The following LRP6 variants were observed in gnomAD, a reference collection of about 807,000 sequenced individuals.
LRP6 encodes the protein low-density lipoprotein receptor-related protein 6.
LRP6 carries 43 observed loss-of-function variants against 184.1 expected under a neutral mutation model. The ratio of observed to expected loss-of-function variants is 0.23; its 90% CI spans 0.18 to 0.30. The LOEUF is 0.30. Ranked by LOEUF, LRP6 falls within the 10% of genes least tolerant of loss-of-function variation. The pLI, the probability that LRP6 is intolerant of heterozygous loss-of-function variation, is 1.00. For missense variants in LRP6, 1,571 were observed against 2,005.3 expected (o/e 0.78, Z 4.14); for synonymous variants, 719 against 684.9 (o/e 1.05, Z -0.78).
At chr12:12,167,764 T>C (rs1448274132) in intron 7 of LRP6, among the ~76,000 whole-genome samples, 1 of 152,200 alleles carries the variant, frequency 6.6e-6, no homozygotes, top group Non-Finnish European at 1.5e-5. Context: ...TCCTGTCCTT[T>C]AAAAATCATT....
chr12:12,176,236 C>G (rs988571111), intron 7 of LRP6, among the ~76,000 whole-genome samples: 1 of 152,092 alleles, frequency 6.6e-6, no homozygotes, highest in Admixed American at 6.5e-5. Flanking sequence ...ACTGTGCAGA[C>G]AAGTAAACTA....
chr12:12,119,248 G>C lies in LRP6; in HGVS notation c.*1878C>G, dbSNP rs1949560990. 1 of 152,008 alleles carries C rather than the reference G, an allele frequency of 6.6e-6. No individual in the cohort carries two copies. The highest frequency in any genetic ancestry group is 1.5e-5 in the Non-Finnish European group (1 of 68,012). The allele number at this position is 152,008 out of a possible 1,614,324, so 9.4% of individuals were successfully genotyped here. A position where few individuals can be genotyped will look rare whatever the true frequency, so the allele number is the denominator to read the frequency against. ...AACTTTACTTAGGTATTTTTAACTT[G>C]CATGAACAGTTACTTCACCCTTGCC... On this transcript the variant is annotated 3_prime_UTR_variant, in exon 23 of 23. Transcript: ENST00000261349.
At position 12,126,827 on chromosome 12, in the gene LRP6, A is replaced by G. The variant is rs1377876993; in HGVS notation, c.4176T>C (p.Phe1392=). ...GTGGACACAACATCCTCTGGCAGAT[A>G]AAGTATACAGTTCCAGACACAAAAA... ...VTIFVSGTVY[F]ICQRMLCPRM... Residue 1392 remains phenylalanine (F), a synonymous_variant, in exon 20 of 23, where the codon TTT becomes TTC. Transcript: ENST00000261349. 1.2e-6 allele frequency: 2 copies of G among 1,614,148 alleles called. No individual in the cohort carries two copies. Among genetic ancestry groups the G allele is most frequent in the South Asian group, 2.2e-5 (2 of 91,076 alleles).
intron 12 of LRP6, among the ~76,000 whole-genome samples, chr12:12,157,026 G>A (rs112589452): frequency 2.0e-5 from 3 of 152,286 alleles, no homozygotes; most frequent in African/African-American, 7.2e-5. Flanking sequence ...GCGAGAGCTG[G>A]GCAGAGTTCA....
At chr12:12,223,453 A>T (rs1179224725) in intron 2 of LRP6, among the ~76,000 whole-genome samples, 1 of 152,206 alleles carries the variant, frequency 6.6e-6, no homozygotes, top group Admixed American at 6.5e-5. Flanking sequence ...ACTGTAAAAT[A>T]CAACCACTAC....
At chr12:12,218,758 G>T (rs911293433) in intron 2 of LRP6, among the ~76,000 whole-genome samples, 1 of 151,988 alleles carries the variant, frequency 6.6e-6, no homozygotes, top group African/African-American at 2.4e-5. Context: ...CAGCCCAGGT[G>T]TTTGAGGCTG....
intron 2 of LRP6, among the ~76,000 whole-genome samples, chr12:12,232,599 AAAC>A (rs1198557580): frequency 6.6e-6 from 1 of 151,314 alleles, no homozygotes; most frequent in Non-Finnish European, 1.5e-5. Flanking sequence ...AAAAAAAAAA[AAAC>A]AGAAGTAGAT....
chr12:12,217,284 T>A (rs111438715), intron 2 of LRP6, among the ~76,000 whole-genome samples: 1 of 152,068 alleles, frequency 6.6e-6, no homozygotes, highest in Non-Finnish European at 1.5e-5. Context: ...GGGATCTAGG[T>A]TGCGTGCTCC....
intron 1 of LRP6, among the ~76,000 whole-genome samples, chr12:12,260,377 CAAAA>C (rs34452498): frequency 7.7e-6 from 1 of 129,686 alleles, no homozygotes. Flanking sequence ...GACTCCGTCT[CAAAA>C]AAAAAAAAAA....
chr12:12,223,163 C>A (rs1864533779), intron 2 of LRP6, among the ~76,000 whole-genome samples: 2 of 127,164 alleles, frequency 1.6e-5, no homozygotes, highest in Non-Finnish European at 1.6e-5. Context: ...CACTCAAGTT[C>A]TTCATTTCAT....
intron 1 of LRP6, among the ~76,000 whole-genome samples, chr12:12,263,044 G>A (rs1359136024): frequency 6.0e-5 from 9 of 149,996 alleles, no homozygotes; most frequent in South Asian, 4.3e-4. Context: ...ACCTGAGGTC[G>A]GGAGTTCGAG....
At chr12:12,129,526 A>G (rs1949717664) in intron 19 of LRP6, among the ~76,000 whole-genome samples, 1 of 152,032 alleles carries the variant, frequency 6.6e-6, no homozygotes, top group Admixed American at 6.6e-5. Flanking sequence ...TACATGATGA[A>G]CACTATTCAT....
intron 7 of LRP6, among the ~76,000 whole-genome samples, chr12:12,176,902 CAA>C (rs1863200141): frequency 7.2e-6 from 1 of 139,056 alleles, no homozygotes; most frequent in Admixed American, 7.9e-5. Context: ...GGCTGGAATG[CAA>C]TGGCATCATC....
At position 12,138,376 on chromosome 12, in the gene LRP6, C is replaced by A. The variant is rs761014950; in HGVS notation, c.3556G>T (p.Ala1186Ser). 3.1e-6 allele frequency: 5 copies of A among 1,614,004 alleles called. No individual in the cohort carries two copies. The highest frequency in any genetic ancestry group is 4.2e-6 in the Non-Finnish European group (5 of 1,180,026). Residue 1186 changes from alanine to serine, a missense_variant, in exon 16 of 23, where the codon GCC becomes TCC. Ala to Ser is a moderately conservative substitution (Grantham distance 99, BLOSUM62 1). Transcript: ENST00000261349. ...EGRTKVQARI[A>S]QLSDIHAVKE... ...ACTGCATGAATGTCACTAAGCTGGG[C>A]AATTCGAGCTTGGACTTTGGTTCTA...
chr12:12,212,005 C>T (rs961947420), intron 2 of LRP6, among the ~76,000 whole-genome samples: 1 of 152,152 alleles, frequency 6.6e-6, no homozygotes, highest in Non-Finnish European at 1.5e-5. Flanking sequence ...GTCAGGAATG[C>T]CCCCTTCAAG....
At chr12:12,171,254 C>T (rs1034182963) in intron 7 of LRP6, among the ~76,000 whole-genome samples, 7 of 152,156 alleles carry the variant, frequency 4.6e-5, no homozygotes, top group South Asian at 2.1e-4. Context: ...CGGTGGCTCA[C>T]GCCTGTAATC....
chr12:12,158,890 C>T lies in LRP6; in HGVS notation c.2730G>A (p.Gly910=). 1 of 1,614,174 alleles carries T rather than the reference C, an allele frequency of 6.2e-7. No homozygotes were observed. The change falls in exon 12 of 23, where the codon GGG becomes GGA. Residue 910 remains glycine, a synonymous_variant. Coordinates refer to ENST00000261349, the MANE Select transcript of LRP6 (RefSeq NM_002336.3). ...GGGCAGGGCATCCACAAACAAAACC[C>T]CCAACTGGCACAGCCAAGCAGAGGT... The part of the protein sequence containing the change: ...CSHLCLAVPV[G]GFVCGCPAHY...
intron 15 of LRP6, among the ~76,000 whole-genome samples, chr12:12,143,285 T>C (rs567046574): frequency 6.6e-6 from 1 of 152,186 alleles, no homozygotes; most frequent in South Asian, 2.1e-4. Context: ...AACAGGGAGA[T>C]TTACCATGAT....
chr12:12,183,958 A>G lies in LRP6; in HGVS notation c.976+22T>C, dbSNP rs775005251. 6.2e-6 allele frequency: 10 copies of G among 1,609,740 alleles called. 1 individual carries two copies. In the South Asian group the frequency reaches 1.1e-4, roughly 18 times the overall value. Reference sequence around the variant, plus strand: ...AATTCCAATAGTTATAAAATTTTTCATTTTGGATAATATCTTCTTACCATC... The same window carrying G: ...AATTCCAATAGTTATAAAATTTTTCGTTTTGGATAATATCTTCTTACCATC... On this transcript the variant is annotated intron_variant, in intron 5 of 22. Transcript: ENST00000261349.
Sources: allele counts gnomAD v4.1 joint callset (sites outside exome capture counted in the v4.1 genomes callset), GRCh38; gene constraint gnomAD v4.1.1; transcripts MANE v1.5; gene names NCBI Gene and HGNC (gene_info 2026-07-23, HGNC 2026-07-21).